The following SEMA5A variants were observed in gnomAD, a reference collection of about 807,000 sequenced individuals.
The protein encoded by SEMA5A is semaphorin-5A.
Under a neutral mutation model 135.5 loss-of-function variants are expected in SEMA5A, and 55 were observed. The ratio of observed to expected loss-of-function variants is 0.41; its 90% CI spans 0.33 to 0.51. SEMA5A has a LOEUF of 0.51. SEMA5A is among the 20% of genes least tolerant of loss of function. The probability of loss-of-function intolerance (pLI) is 0.37; values close to 1 mark genes in which losing one functional copy is unlikely to be tolerated. For missense variants in SEMA5A, 1,290 were observed against 1,419.9 expected, an observed-to-expected ratio of 0.91 and a Z score of 1.47; for synonymous variants, 580 against 546.5, an observed-to-expected ratio of 1.06 and a Z score of -0.85.
intron 1 of SEMA5A, among the ~76,000 whole-genome samples, chr5:9,533,345 T>C (rs994444492): frequency 6.6e-6 from 1 of 152,220 alleles, no homozygotes; most frequent in Non-Finnish European, 1.5e-5. Flanking sequence ...AATTTCATGA[T>C]ACGGAATTTT....
chr5:9,347,785 G>A (rs769273269), intron 3 of SEMA5A, among the ~76,000 whole-genome samples: 9 of 152,208 alleles, frequency 5.9e-5, no homozygotes, highest in South Asian at 2.1e-4. Flanking sequence ...CAGACCTACC[G>A]TTTCTCTAAG....
intron 3 of SEMA5A, among the ~76,000 whole-genome samples, chr5:9,358,200 C>T (rs914531488): frequency 6.6e-5 from 10 of 152,182 alleles, no homozygotes; most frequent in African/African-American, 2.4e-4. Context: ...CTGGGCGCTC[C>T]AGTCAGCATC....
At chr5:9,256,893 G>A (rs897412114) in intron 5 of SEMA5A, among the ~76,000 whole-genome samples, 3 of 152,196 alleles carry the variant, frequency 2.0e-5, no homozygotes, top group Non-Finnish European at 4.4e-5. Flanking sequence ...AGCATGAAGA[G>A]TGAAAAAATC....
chr5:9,352,808 A>T (rs898994639), intron 3 of SEMA5A, among the ~76,000 whole-genome samples: 3 of 152,152 alleles, frequency 2.0e-5, no homozygotes, highest in African/African-American at 7.2e-5. Flanking sequence ...GAACACAGCC[A>T]TGCCCATTGT....
At chr5:9,111,329 A>G (rs111685143) in intron 15 of SEMA5A, among the ~76,000 whole-genome samples, 58 of 152,308 alleles carry the variant, frequency 3.8e-4, no homozygotes, top group African/African-American at 1.2e-3. Context: ...GGGAAACCTT[A>G]CCAAAAATGT....
chr5:9,284,086 G>A lies in SEMA5A; in HGVS notation c.270+34286C>T, dbSNP rs1401627198. 2.7e-5 allele frequency among the ~76,000 whole-genome samples: 4 copies of A among 146,192 alleles called. No homozygotes were observed. In the East Asian group the frequency reaches 8.1e-4, roughly 30 times the overall value. ...AACAGATGATAGATGATAGATAACA[G>A]GTAATAGATAGATAGATATTAGAGA... On this transcript the variant is annotated intron_variant, in intron 5 of 22. Transcript: ENST00000382496.
chr5:9,348,501 A>G (rs544500970), intron 3 of SEMA5A, among the ~76,000 whole-genome samples: 1 of 152,306 alleles, frequency 6.6e-6, no homozygotes, highest in East Asian at 1.9e-4. Context: ...CGTGGCTTCA[A>G]AGTACTTTGA....
intron 1 of SEMA5A, among the ~76,000 whole-genome samples, chr5:9,459,702 A>G (rs764306456): frequency 1.3e-5 from 2 of 152,222 alleles, no homozygotes; most frequent in Non-Finnish European, 2.9e-5. Flanking sequence ...TTAAGTCACT[A>G]AGTTTGTTGT....
At chr5:9,263,182 G>T (rs954930438) in intron 5 of SEMA5A, among the ~76,000 whole-genome samples, 4 of 152,116 alleles carry the variant, frequency 2.6e-5, no homozygotes, top group African/African-American at 9.7e-5. Context: ...ATCATTGAAA[G>T]AAAGAAAAAT....
intron 20 of SEMA5A, among the ~76,000 whole-genome samples, chr5:9,051,413 G>A (rs146613541): frequency 6.6e-6 from 1 of 152,196 alleles, no homozygotes; most frequent in African/African-American, 2.4e-5. Context: ...GTTGAATGAG[G>A]GCCAACCTCT....
chr5:9,313,008 C>G (rs1055147799), intron 5 of SEMA5A, among the ~76,000 whole-genome samples: 1 of 152,020 alleles, frequency 6.6e-6, no homozygotes, highest in African/African-American at 2.4e-5. Flanking sequence ...AGGTGGTGTC[C>G]CCGTGCTCCT....
chr5:9,446,621 T>C (rs1013340441), intron 1 of SEMA5A, among the ~76,000 whole-genome samples: 1 of 151,814 alleles, frequency 6.6e-6, no homozygotes, highest in African/African-American at 2.4e-5. Flanking sequence ...TCTCAGTCCC[T>C]AGAAAAAAAG....
At chr5:9,466,940 A>C (rs1413889234) in intron 1 of SEMA5A, among the ~76,000 whole-genome samples, 4 of 152,230 alleles carry the variant, frequency 2.6e-5, no homozygotes, top group Admixed American at 6.5e-5. Context: ...GAGCTTTGGC[A>C]GTAACAATGC....
At chr5:9,373,283 G>A (rs1310798589) in intron 3 of SEMA5A, among the ~76,000 whole-genome samples, 2 of 152,168 alleles carry the variant, frequency 1.3e-5, no homozygotes, top group Non-Finnish European at 2.9e-5. Context: ...ACTGTGATAT[G>A]GGAATAAAAC....
intron 5 of SEMA5A, among the ~76,000 whole-genome samples, chr5:9,264,883 G>A (rs1229164570): frequency 6.6e-6 from 1 of 152,132 alleles, no homozygotes; most frequent in African/African-American, 2.4e-5. Context: ...TTCGGGGTGG[G>A]AAGAAACATG....
intron 5 of SEMA5A, among the ~76,000 whole-genome samples, chr5:9,267,224 A>C (rs2150529984): frequency 6.6e-6 from 1 of 152,102 alleles, no homozygotes; most frequent in South Asian, 2.1e-4. Context: ...TTCAGCTGAG[A>C]AGCCCGCCAC....
intron 1 of SEMA5A, among the ~76,000 whole-genome samples, chr5:9,477,667 A>G (rs1167586012): frequency 6.6e-6 from 1 of 152,220 alleles, no homozygotes; most frequent in Non-Finnish European, 1.5e-5. Context: ...ATCTGTCAGA[A>G]GAAAGTTCTA....
intron 5 of SEMA5A, among the ~76,000 whole-genome samples, chr5:9,305,672 A>G (rs936310026): frequency 6.8e-6 from 1 of 147,958 alleles, no homozygotes; most frequent in South Asian, 2.2e-4. Context: ...AAGGGCTAGG[A>G]TCTCAATATA....
In SEMA5A at chr5:9,355,599, G is replaced by A. The variant is rs535614426; in HGVS notation, c.125-17787C>T. 8.5e-5 allele frequency among the ~76,000 whole-genome samples: 13 copies of A among 152,204 alleles called. No individual in the cohort carries two copies. The South Asian group carries it at 2.5e-3, about 29-fold the overall frequency. Reference sequence around the variant, plus strand: ...ATAGTTCTTTCCTGGATGTCTACGCGGAGGTCTTCACTAGAAATTGCAATG... The same window carrying A: ...ATAGTTCTTTCCTGGATGTCTACGCAGAGGTCTTCACTAGAAATTGCAATG... On this transcript the variant is annotated intron_variant, in intron 3 of 22. Coordinates refer to ENST00000382496, the MANE Select transcript of SEMA5A (RefSeq NM_003966.3).
Sources: allele counts gnomAD v4.1 joint callset (sites outside exome capture counted in the v4.1 genomes callset), GRCh38; gene constraint gnomAD v4.1.1; transcripts MANE v1.5; gene names NCBI Gene and HGNC (gene_info 2026-07-23, HGNC 2026-07-21).